The following HSDL2 variants were observed in gnomAD, a reference collection of about 807,000 sequenced individuals.
HSDL2 encodes the protein hydroxysteroid dehydrogenase like 2, also known as hydroxysteroid dehydrogenase-like protein 2.
HSDL2 carries 27 observed loss-of-function variants against 46.3 expected under a neutral mutation model. The observed-to-expected ratio is 0.58, with a 90% CI of 0.43 to 0.80. The LOEUF (loss-of-function observed/expected upper bound fraction) is 0.80. HSDL2 is among the 30% of genes least tolerant of loss of function. The probability of loss-of-function intolerance (pLI) is 0.00; values close to 1 mark genes in which losing one functional copy is unlikely to be tolerated. For missense variants in HSDL2, 451 were observed against 502.7 expected (o/e 0.90, Z 0.98); for synonymous variants, 153 against 163.6 (o/e 0.94, Z 0.50).
chr9:112,470,362 G>C, intron 10 of HSDL2, 70 bp from the exon 11 acceptor site: 1 of 857,302 alleles, frequency 1.2e-6, no homozygotes, highest in Non-Finnish European at 1.9e-6. Context: ...TTTACAATGC[G>C]TGTTCTTAAA....
At chr9:112,467,137 A>C (rs956343567) in intron 10 of HSDL2, among the ~76,000 whole-genome samples, 1 of 152,238 alleles carries the variant, frequency 6.6e-6, no homozygotes, top group Non-Finnish European at 1.5e-5. Context: ...CAGCAGCGCT[A>C]TTCACAATAG....
In HSDL2 at chr9:112,471,350, G is replaced by A. The variant is rs957030767; in HGVS notation, c.*806G>A. ...TGTTCGGAGATGAGGCCTTTAAAGA[G>A]GTGACTTAAGTTCAAAGGAGGCTGT... On this transcript the variant is annotated 3_prime_UTR_variant, in exon 11 of 11. Transcript: ENST00000398805. 20 of 152,106 alleles carry A rather than the reference G, an allele frequency of 1.3e-4. No individual in the cohort carries two copies. The highest frequency in any genetic ancestry group is 1.1e-3 in the Admixed American group (17 of 15,250). 9.4% of individuals were successfully genotyped at this position (152,106 alleles called of 1,614,324 possible).
In HSDL2 at chr9:112,451,055, AGCTGGGC is replaced by A. The variant is rs1719913482; in HGVS notation, c.866-2956_866-2950del. Among the ~76,000 whole-genome samples, 7 of 152,228 alleles carry A rather than the reference AGCTGGGC, an allele frequency of 4.6e-5. No homozygotes were observed. The South Asian group carries it at 1.4e-3, about 32-fold the overall frequency. On this transcript the variant is annotated intron_variant, in intron 8 of 10. Transcript: ENST00000398805. ...GTCTCTATAAAAAATACAAAAAATT[AGCTGGGC>A]GTAGTGGCACATGCCTGTGGTCCCA...
intron 9 of HSDL2, among the ~76,000 whole-genome samples, chr9:112,457,333 A>G (rs569921997): frequency 6.2e-4 from 94 of 152,312 alleles, no homozygotes; most frequent in African/African-American, 2.1e-3. Flanking sequence ...TTGACAGTGA[A>G]GGAGCTGAGA....
intron 1 of HSDL2, among the ~76,000 whole-genome samples, chr9:112,389,275 G>T (rs1831286837): frequency 6.6e-6 from 1 of 152,114 alleles, no homozygotes; most frequent in African/African-American, 2.4e-5. Context: ...CCCCGTCTTG[G>T]TCTCCCAAAT....
At position 112,454,151 on chromosome 9, in the gene HSDL2, T is replaced by G; in HGVS notation, c.1004T>G (p.Phe335Cys). 1.9e-6 allele frequency: 3 copies of G among 1,613,192 alleles called. No homozygotes were observed. The highest frequency in any genetic ancestry group is 2.5e-6 in the Non-Finnish European group (3 of 1,179,714). ...AAAGCCACTCAAGCAATCTATCTGT[T>G]TGAACTCTCCGGTAAGGACTGCATC... ...VVKATQAIYL[F>C]ELSGEDGGTW... The change falls in exon 9 of 11, where the codon TTT becomes TGT. Residue 335 changes from phenylalanine (F) to cysteine (C), a missense_variant. Physicochemically the swap from Phe to Cys is radical, Grantham distance 205 (BLOSUM62 -2). Transcript: ENST00000398805.
Position 112,394,716 on chromosome 9 carries a change from A to G in HSDL2, c.18-9279A>G, listed in dbSNP as rs187514679. ...TTCCCCTGTGGCTGATCTCTCCGGA[A>G]GGTAAGCAGCCCAGACTTGAGTTTC... On this transcript the variant is annotated intron_variant, in intron 1 of 10. Coordinates refer to ENST00000398805, the MANE Select transcript of HSDL2 (RefSeq NM_032303.5). Among the ~76,000 whole-genome samples, 1,176 of 152,314 alleles carry G rather than the reference A, an allele frequency of 7.7e-3. 20 individuals carry two copies. Among genetic ancestry groups the G allele is most frequent in the African/African-American group, 0.027 (1,104 of 41,558 alleles).
At chr9:112,428,155 G>T (rs374181609) in intron 6 of HSDL2, among the ~76,000 whole-genome samples, 24 of 152,258 alleles carry the variant, frequency 1.6e-4, no homozygotes, top group Middle Eastern at 6.8e-3. Context: ...CTATGGGTGA[G>T]AATTTACTGA....
At chr9:112,437,352 C>T (rs1832549774) in intron 6 of HSDL2, among the ~76,000 whole-genome samples, 1 of 152,086 alleles carries the variant, frequency 6.6e-6, no homozygotes, top group Non-Finnish European at 1.5e-5. Context: ...TTTCAAGGAA[C>T]CTATTCACTG....
intron 3 of HSDL2, among the ~76,000 whole-genome samples, chr9:112,408,033 G>T (rs1571639): frequency 0.28 from 41,844 of 151,924 alleles, 5,951 homozygotes; most frequent in Middle Eastern, 0.39. Context: ...TTTATTTTTT[G>T]TGTGTGTGTA....
intron 10 of HSDL2, among the ~76,000 whole-genome samples, chr9:112,465,355 C>T (rs1833344766): frequency 1.3e-5 from 2 of 152,190 alleles, no homozygotes; most frequent in Admixed American, 6.5e-5. Flanking sequence ...TCTCGAACTC[C>T]TGACCTCAGG....
At chr9:112,418,812 A>G in intron 5 of HSDL2, 48 bp from the exon 6 acceptor site, 2 of 1,097,796 alleles carry the variant, frequency 1.8e-6, no homozygotes, top group South Asian at 3.0e-5. Flanking sequence ...AAGTTAATCA[A>G]ATTAATTTCT....
intron 4 of HSDL2, among the ~76,000 whole-genome samples, chr9:112,415,877 G>C (rs1479194156): frequency 3.9e-5 from 6 of 152,132 alleles, no homozygotes; most frequent in Non-Finnish European, 8.8e-5. Context: ...TCTTGGCGGA[G>C]CGTGGGTGGA....
chr9:112,458,708 A>C (rs1448060549), intron 9 of HSDL2, among the ~76,000 whole-genome samples: 1 of 152,022 alleles, frequency 6.6e-6, no homozygotes, highest in Non-Finnish European at 1.5e-5. Context: ...CCTGCCGGGC[A>C]CGGTATCTCA....
In HSDL2 at chr9:112,459,524, A is replaced by G. The variant is rs758747476; in HGVS notation, c.1091A>G (p.Gln364Arg). The change falls in exon 10 of 11, where the codon CAG (glutamine) becomes CGG (arginine). Residue 364 changes from glutamine (Q) to arginine (R), a missense_variant. By Grantham distance (43) the Gln-to-Arg change is conservative. Transcript: ENST00000398805. ...GNVGYGEPSD[Q>R]ADVVMSMTTD... ...GTCGGATATGGAGAGCCTTCTGATC[A>G]GGCAGATGTGGTGATGAGTATGACT... is the stretch of plus-strand genomic sequence containing the variant. 1.5e-5 allele frequency: 24 copies of G among 1,613,868 alleles called. 1 individual carries two copies. The South Asian group carries it at 2.4e-4, about 16-fold the overall frequency.
intron 10 of HSDL2, among the ~76,000 whole-genome samples, chr9:112,462,600 ATGTGTG>A (rs3032131): frequency 0.62 from 90,962 of 146,532 alleles, 28,213 homozygotes; most frequent in Admixed American, 0.71. Flanking sequence ...GAGGAGGGGG[ATGTGTG>A]TGTGTGTGTG....
intron 10 of HSDL2, among the ~76,000 whole-genome samples, chr9:112,465,197 C>T (rs1833340696): frequency 6.6e-6 from 1 of 152,166 alleles, no homozygotes; most frequent in Non-Finnish European, 1.5e-5. Flanking sequence ...GGCGTGATCT[C>T]AGCTTACTGC....
chr9:112,404,712 G>A (rs1438445469), intron 2 of HSDL2, among the ~76,000 whole-genome samples: 1 of 152,114 alleles, frequency 6.6e-6, no homozygotes, highest in African/African-American at 2.4e-5. Flanking sequence ...ACTTTTAGTT[G>A]ACAAATAATT....
chr9:112,387,608 A>G (rs1831245178), intron 1 of HSDL2, among the ~76,000 whole-genome samples: 1 of 152,158 alleles, frequency 6.6e-6, no homozygotes, highest in Non-Finnish European at 1.5e-5. Context: ...TTTTAAATGT[A>G]TTTGAAAATT....
Sources: allele counts gnomAD v4.1 joint callset (sites outside exome capture counted in the v4.1 genomes callset), GRCh38; gene constraint gnomAD v4.1.1; transcripts MANE v1.5; gene names NCBI Gene and HGNC (gene_info 2026-07-23, HGNC 2026-07-21).